Variants in NDST3 observed in about 807,000 individuals in gnomAD.
NDST3 encodes bifunctional heparan sulfate N-deacetylase/N-sulfotransferase 3.
Under a neutral mutation model 96.1 loss-of-function variants are expected in NDST3, and 58 were observed. That is an observed-to-expected ratio of 0.60 (90% confidence interval 0.49 to 0.75). The LOEUF (loss-of-function observed/expected upper bound fraction) is 0.75, where lower values mean the gene tolerates loss of function less well. Among genes scored for constraint, NDST3 ranks in the 30% least tolerant of loss-of-function variants. The probability of loss-of-function intolerance (pLI) is 0.00; values close to 1 mark genes in which losing one functional copy is unlikely to be tolerated. For synonymous variants in NDST3, 333 were observed against 359.7 expected (o/e 0.93, Z 0.84); for missense variants, 788 against 1,034.2 (o/e 0.76, Z 3.27).
At chr4:118,052,834 T>C (rs1409117179) in intron 1 of NDST3, among the ~76,000 whole-genome samples, 1 of 152,062 alleles carries the variant, frequency 6.6e-6, no homozygotes, top group African/African-American at 2.4e-5. Context: ...TTCTTTCTTA[T>C]TATTTTTCAA....
At chr4:118,044,024 A>G (rs1389334930) in intron 1 of NDST3, among the ~76,000 whole-genome samples, 2 of 152,210 alleles carry the variant, frequency 1.3e-5, no homozygotes, top group African/African-American at 2.4e-5. Flanking sequence ...TAGATTCCTA[A>G]TATCTGTCCT....
At chr4:118,176,385 A>G (rs1376773118) in intron 6 of NDST3, among the ~76,000 whole-genome samples, 1 of 152,140 alleles carries the variant, frequency 6.6e-6, no homozygotes, top group African/African-American at 2.4e-5. Context: ...ATAACATTAT[A>G]TGCAGATAGA....
chr4:118,187,618 AG>A (rs1737050445), intron 6 of NDST3, among the ~76,000 whole-genome samples: 1 of 152,208 alleles, frequency 6.6e-6, no homozygotes, highest in Admixed American at 6.5e-5. Flanking sequence ...ATACCCCAAG[AG>A]GGCACATAAG....
chr4:118,205,040 G>A (rs959109930), intron 6 of NDST3, among the ~76,000 whole-genome samples: 1 of 144,272 alleles, frequency 6.9e-6, no homozygotes, highest in Non-Finnish European at 1.5e-5. Context: ...ACTGTTAATT[G>A]TGGAGTTTTT....
At chr4:118,199,229 T>G (rs1737904549) in intron 6 of NDST3, among the ~76,000 whole-genome samples, 1 of 152,302 alleles carries the variant, frequency 6.6e-6, no homozygotes, top group African/African-American at 2.4e-5. Flanking sequence ...CCTGTAGGCA[T>G]GCTTCATGGT....
intron 2 of NDST3, among the ~76,000 whole-genome samples, chr4:118,076,865 C>G (rs1578590410): frequency 6.6e-6 from 1 of 152,282 alleles, no homozygotes; most frequent in East Asian, 1.9e-4. Flanking sequence ...GGTAAGAGGG[C>G]ACTGGTTTTT....
intron 6 of NDST3, among the ~76,000 whole-genome samples, chr4:118,168,743 C>T (rs908344540): frequency 6.6e-6 from 1 of 152,044 alleles, no homozygotes; most frequent in Non-Finnish European, 1.5e-5. Flanking sequence ...AATCGGCAAA[C>T]GGGTAAAAAA....
intron 8 of NDST3, among the ~76,000 whole-genome samples, chr4:118,228,868 T>C (rs1280226624): frequency 6.6e-6 from 1 of 152,234 alleles, no homozygotes; most frequent in Non-Finnish European, 1.5e-5. Flanking sequence ...CTGACATCTT[T>C]CATTTAGCAT....
At chr4:118,204,591 T>C (rs959014561) in intron 6 of NDST3, among the ~76,000 whole-genome samples, 1 of 144,740 alleles carries the variant, frequency 6.9e-6, no homozygotes, top group African/African-American at 2.6e-5. Context: ...TAGGTTACTG[T>C]CTATTTAAAC....
chr4:118,232,559 G>A (rs1306190620), intron 8 of NDST3, among the ~76,000 whole-genome samples: 4 of 151,608 alleles, frequency 2.6e-5, no homozygotes, highest in Non-Finnish European at 4.4e-5. Context: ...AGGATCCCAC[G>A]AGCCTGGTGT....
In NDST3 at chr4:118,254,975, A is replaced by C. The variant is rs375919240; in HGVS notation, c.2503-618A>C. Among the ~76,000 whole-genome samples the C allele has an allele frequency of 1.2e-4, 19 of 152,170 alleles. 1 individual carries two copies. In the East Asian group the frequency reaches 3.7e-3, roughly 29 times the overall value. On this transcript the variant is annotated intron_variant, in intron 13 of 13. Coordinates refer to ENST00000296499, the MANE Select transcript of NDST3 (RefSeq NM_004784.3). Reference sequence around the variant, plus strand: ...AAAATATACCTTCAGAGCACTTTGAAAACAACCCTTCTTTTCCCAAAAGAA... The same window carrying C: ...AAAATATACCTTCAGAGCACTTTGACAACAACCCTTCTTTTCCCAAAAGAA...
intron 4 of NDST3, among the ~76,000 whole-genome samples, chr4:118,125,693 T>A (rs1731993980): frequency 6.6e-6 from 1 of 152,116 alleles, no homozygotes; most frequent in Admixed American, 6.6e-5. Flanking sequence ...AAACCTGGAC[T>A]TTAGTGACTA....
At chr4:118,152,852 G>C (rs1314509276) in intron 6 of NDST3, among the ~76,000 whole-genome samples, 5 of 152,150 alleles carry the variant, frequency 3.3e-5, no homozygotes, top group Non-Finnish European at 7.3e-5. Context: ...TCTAACTGCT[G>C]ACTGCCTCGT....
intron 4 of NDST3, among the ~76,000 whole-genome samples, chr4:118,122,719 A>G (rs1731706111): frequency 6.6e-6 from 1 of 152,188 alleles, no homozygotes; most frequent in South Asian, 2.1e-4. Context: ...CTTACGGTTC[A>G]GTGAGAAAGA....
At chr4:118,093,626 G>A (rs755788254) in intron 2 of NDST3, among the ~76,000 whole-genome samples, 41 of 151,454 alleles carry the variant, frequency 2.7e-4, no homozygotes, top group Non-Finnish European at 4.1e-4. Flanking sequence ...ATCTTTCTTC[G>A]CAATCAGTTT....
At position 118,114,836 on chromosome 4, in the gene NDST3, G is replaced by C. The variant is rs1416885909; in HGVS notation, c.1100G>C (p.Cys367Ser). Residue 367 changes from cysteine to serine, a missense_variant, in exon 4 of 14, where the codon TGT (cysteine) becomes TCT (serine). This residue lies in a region of NDST3 where 490 missense variants were observed against 708.8 expected (regional missense o/e 0.69). Coordinates refer to ENST00000296499, the MANE Select transcript of NDST3 (RefSeq NM_004784.3). ...GAAGAGGAAGATGAAGGAGATGACTGTCTGTTGGGGTCTGTGGATGAGTTC... is the reference window on the plus strand; with the variant it reads ...GAAGAGGAAGATGAAGGAGATGACTCTCTGTTGGGGTCTGTGGATGAGTTC... Reference protein sequence around the residue: ...GTEEEDEGDDCLLGSVDEFWW... With the variant: ...GTEEEDEGDDSLLGSVDEFWW... 6.2e-7 allele frequency: 1 copy of C among 1,613,940 alleles called. No individual in the cohort carries two copies. Among genetic ancestry groups the C allele is most frequent in the Non-Finnish European group, 8.5e-7 (1 of 1,179,958 alleles).
chr4:118,193,346 A>T, intron 6 of NDST3: 1 of 442,802 alleles, frequency 2.3e-6, no homozygotes. Context: ...CAAAACTAAC[A>T]GGGCAGAGTA....
intron 6 of NDST3, among the ~76,000 whole-genome samples, chr4:118,150,116 A>G (rs1734279145): frequency 6.6e-6 from 1 of 151,980 alleles, no homozygotes; most frequent in Admixed American, 6.6e-5. Context: ...CCACTTGATC[A>G]TGGTGGATAA....
intron 2 of NDST3, among the ~76,000 whole-genome samples, chr4:118,069,004 A>G (rs1726827022): frequency 6.6e-6 from 1 of 152,092 alleles, no homozygotes. Flanking sequence ...ACATGAAGGG[A>G]CAGAAACAGA....
Sources: gnomAD v4.1 joint callset for allele counts (sites outside exome capture counted in the v4.1 genomes callset) on GRCh38, gnomAD v4.1.1 for gene constraint, gnomAD v4.1.1 regional missense constraint, MANE v1.5 for transcripts, NCBI Gene and HGNC (gene_info 2026-07-23, HGNC 2026-07-21) for gene names.